RGS6: variants seen among roughly 807,000 people sequenced by gnomAD.
The protein encoded by RGS6 is regulator of G-protein signaling 6.
Under a neutral mutation model 78.5 loss-of-function variants are expected in RGS6, and 30 were observed. That is an observed-to-expected ratio of 0.38 (90% CI 0.29 to 0.52). The LOEUF (loss-of-function observed/expected upper bound fraction) is 0.52, where lower values mean the gene tolerates loss of function less well. Among genes scored for constraint, RGS6 ranks in the 20% least tolerant of loss-of-function variants. RGS6 has a pLI of 0.85. For synonymous variants in RGS6, 206 were observed against 206.0 expected, an observed-to-expected ratio of 1.00 and a Z score of 0.00; for missense variants, 495 against 609.7, an observed-to-expected ratio of 0.81 and a Z score of 1.98.
At chr14:72,614,522 AC>A in the RGS6 span, among the ~76,000 whole-genome samples, 1 of 151,786 alleles carries the variant, frequency 6.6e-6, no homozygotes, top group African/African-American at 2.4e-5. Context: ...TGGGGGCCTG[AC>A]CCCTCTGGTA....
chr14:72,229,386 C>T (rs929351548), intron 2 of RGS6, among the ~76,000 whole-genome samples: 7 of 151,812 alleles, frequency 4.6e-5, no homozygotes, highest in African/African-American at 1.7e-4. Flanking sequence ...AAAATCACGT[C>T]TCTGGTGGTC....
chr14:72,541,004 C>G (rs1023465383), intron 17 of RGS6: 8 of 1,284,752 alleles, frequency 6.2e-6, no homozygotes, highest in Non-Finnish European at 7.1e-6. Flanking sequence ...CCATGCTGGT[C>G]GGCCCAAGAT....
chr14:72,542,514 A>G (rs1392190720), intron 17 of RGS6, among the ~76,000 whole-genome samples: 2 of 152,260 alleles, frequency 1.3e-5, no homozygotes, highest in African/African-American at 4.8e-5. Context: ...ATGAAGGGCC[A>G]GTTCAATAGC....
At chr14:72,326,515 T>C (rs2073805724) in intron 2 of RGS6, among the ~76,000 whole-genome samples, 1 of 152,020 alleles carries the variant, frequency 6.6e-6, no homozygotes. Context: ...TTTAAGTGTG[T>C]GGTACCACAC....
intron 2 of RGS6, among the ~76,000 whole-genome samples, chr14:72,260,530 G>A (rs1267168921): frequency 6.6e-6 from 1 of 152,192 alleles, no homozygotes; most frequent in Admixed American, 6.5e-5. Context: ...ATTGTGGAGG[G>A]TTATCTCAGT....
At chr14:72,506,390 G>GT (rs1297889973) in intron 13 of RGS6, among the ~76,000 whole-genome samples, 37 of 152,326 alleles carry the variant, frequency 2.4e-4, no homozygotes, top group Middle Eastern at 3.4e-3. Flanking sequence ...CTGAGGGACA[G>GT]TTATTGTACC....
chr14:72,544,657 C>T (rs1427223797), intron 17 of RGS6, among the ~76,000 whole-genome samples: 3 of 152,182 alleles, frequency 2.0e-5, no homozygotes, highest in Non-Finnish European at 4.4e-5. Flanking sequence ...GACAGGCTTT[C>T]CTGTCCTGCC....
intron 2 of RGS6, among the ~76,000 whole-genome samples, chr14:72,245,014 A>G (rs545472469): frequency 6.8e-4 from 104 of 152,252 alleles, no homozygotes; most frequent in Non-Finnish European, 1.2e-3. Context: ...TACTAGAGAT[A>G]GGGTATCACC....
intron 3 of RGS6, among the ~76,000 whole-genome samples, chr14:72,405,327 C>G (rs994507905): frequency 1.3e-5 from 2 of 152,174 alleles, no homozygotes; most frequent in African/African-American, 2.4e-5. Context: ...TGTCCCCTAA[C>G]AATTGCCTAG....
At chr14:72,555,185 C>T (rs1178491976) in intron 17 of RGS6, among the ~76,000 whole-genome samples, 2 of 152,226 alleles carry the variant, frequency 1.3e-5, no homozygotes, top group African/African-American at 2.4e-5. Flanking sequence ...CACACCTGCT[C>T]CTGTCCTCCC....
At chr14:72,042,279 C>T (rs1170298407) in intron 2 of RGS6, among the ~76,000 whole-genome samples, 1 of 151,950 alleles carries the variant, frequency 6.6e-6, no homozygotes, top group Admixed American at 6.6e-5. Context: ...AGGTGCATGC[C>T]ACCATGCCTG....
chr14:72,290,183 C>A (rs1350736616), intron 2 of RGS6, among the ~76,000 whole-genome samples: 1 of 152,106 alleles, frequency 6.6e-6, no homozygotes, highest in African/African-American at 2.4e-5. Context: ...CACATAAAGG[C>A]CCTTAGGACT....
At chr14:72,483,485 A>T (rs938771076) in intron 12 of RGS6, among the ~76,000 whole-genome samples, 1 of 152,144 alleles carries the variant, frequency 6.6e-6, no homozygotes, top group Non-Finnish European at 1.5e-5. Flanking sequence ...ACCCTCAGTG[A>T]TCATGAAATG....
chr14:72,135,528 A>T (rs890309924), intron 2 of RGS6, among the ~76,000 whole-genome samples: 20 of 152,136 alleles, frequency 1.3e-4, no homozygotes, highest in African/African-American at 4.8e-4. Flanking sequence ...ATTTACTATT[A>T]TAAATGTGTC....
chr14:72,510,387 T>A, intron 14 of RGS6, 108 bp downstream of exon 14: 1 of 1,398,978 alleles, frequency 7.1e-7, no homozygotes. Flanking sequence ...GGGTTCAAAT[T>A]CAAATGCCAG....
At chr14:72,083,132 C>G (rs1378024989) in intron 2 of RGS6, among the ~76,000 whole-genome samples, 1 of 152,134 alleles carries the variant, frequency 6.6e-6, no homozygotes. Context: ...AGAAAACTTG[C>G]CTATAAGGTC....
chr14:72,475,870 A>G (rs2096234027), intron 10 of RGS6, among the ~76,000 whole-genome samples: 3 of 151,196 alleles, frequency 2.0e-5, no homozygotes, highest in African/African-American at 7.3e-5. Context: ...TGGCGTATGT[A>G]TATAAACTTC....
At chr14:71,938,383 G>A (rs2089921616) in intron 1 of RGS6, among the ~76,000 whole-genome samples, 1 of 152,216 alleles carries the variant, frequency 6.6e-6, no homozygotes, top group African/African-American at 2.4e-5. Context: ...ACTGCTTGAA[G>A]TTCTGCCCAC....
intron 3 of RGS6, among the ~76,000 whole-genome samples, chr14:72,402,197 C>T (rs907721997): frequency 2.6e-5 from 4 of 152,184 alleles, no homozygotes; most frequent in Non-Finnish European, 5.9e-5. Flanking sequence ...CGTCCAAGAT[C>T]TCTCTCAGGG....
Sources: allele counts gnomAD v4.1 joint callset (sites outside exome capture counted in the v4.1 genomes callset), GRCh38; gene constraint gnomAD v4.1.1; transcripts MANE v1.5; gene names NCBI Gene and HGNC (gene_info 2026-07-23, HGNC 2026-07-21).